The following PVT1 variants were observed in gnomAD, a reference collection of about 807,000 sequenced individuals.
The protein encoded by PVT1 is Pvt1 oncogene.
At chr8:128,097,363 A>G (rs542741329) in intron 6 of PVT1, among the ~76,000 whole-genome samples, 3 of 150,604 alleles carry the variant, frequency 2.0e-5, no homozygotes, top group African/African-American at 7.3e-5. Flanking sequence ...CTACTTCTCA[A>G]AACAAACAAA....
rs190578995 is a variant in PVT1 at position 127,803,742 on chromosome 8, A to G, written n.372+7671A>G. ...TCTACAGTTTTTTTTTTTTTTTGAG[A>G]CGGAATCTTGCTCTGTCATCAAGGC... On this transcript the variant is annotated intron_variant and non_coding_transcript_variant, in intron 2 of 10. Transcript: ENST00000651587. 3.0e-3 allele frequency among the ~76,000 whole-genome samples: 420 copies of G among 139,260 alleles called. 4 individuals carry two copies. The highest frequency in any genetic ancestry group is 4.3e-3 in the Non-Finnish European group (279 of 64,956). The allele number at this position is 139,260 out of a possible 152,430, so 91.4% of individuals were successfully genotyped here. A position where few individuals can be genotyped will look rare whatever the true frequency, so the allele number is the denominator to read the frequency against.
chr8:128,049,146 C>A, intron 4 of PVT1: 1 of 528,326 alleles, frequency 1.9e-6, no homozygotes, highest in Non-Finnish European at 3.9e-6. Context: ...CGCCAGGCCT[C>A]CATGTGCAGG....
At chr8:128,093,950 C>G (rs1814395260) in intron 5 of PVT1, among the ~76,000 whole-genome samples, 1 of 152,148 alleles carries the variant, frequency 6.6e-6, no homozygotes, top group Non-Finnish European at 1.5e-5. Context: ...CTGCAAGGAA[C>G]CAATGAATAA....
intron 4 of PVT1, among the ~76,000 whole-genome samples, chr8:128,032,164 G>A (rs1228374294): frequency 6.6e-6 from 1 of 152,184 alleles, no homozygotes; most frequent in Non-Finnish European, 1.5e-5. Flanking sequence ...CTGAAGACCC[G>A]AGCAGTCATT....
chr8:127,892,215 T>G (rs1815620402), intron 3 of PVT1, among the ~76,000 whole-genome samples: 1 of 152,242 alleles, frequency 6.6e-6, no homozygotes, highest in Non-Finnish European at 1.5e-5. Context: ...GGGTGTTACA[T>G]GCTGTTCTCA....
At chr8:127,945,353 C>T (rs916349614) in intron 3 of PVT1, among the ~76,000 whole-genome samples, 14 of 152,118 alleles carry the variant, frequency 9.2e-5, no homozygotes, top group African/African-American at 2.4e-4. Context: ...TCATAAGACG[C>T]GATCACATTG....
chr8:127,944,822 G>A (rs191653311), intron 3 of PVT1, among the ~76,000 whole-genome samples: 34 of 152,250 alleles, frequency 2.2e-4, no homozygotes, highest in African/African-American at 7.5e-4. Flanking sequence ...CTCCGAGGGC[G>A]CAGGCTGCTC....
intron 2 of PVT1, among the ~76,000 whole-genome samples, chr8:127,841,116 C>T (rs1041445198): frequency 6.6e-6 from 1 of 152,226 alleles, no homozygotes; most frequent in Non-Finnish European, 1.5e-5. Context: ...AAGTATACAT[C>T]AGAGGGCATT....
chr8:128,048,629 G>A (rs551678645), intron 4 of PVT1: 69 of 152,422 alleles, frequency 4.5e-4, no homozygotes, highest in African/African-American at 1.6e-3. Flanking sequence ...ACCTGCTGGG[G>A]TTTGGGTCCT....
intron 4 of PVT1, chr8:128,049,120 C>T: frequency 1.9e-6 from 1 of 522,838 alleles, no homozygotes; most frequent in Non-Finnish European, 3.9e-6. Flanking sequence ...GATAGGAGCC[C>T]TTTCTTTTTC....
rs1316523610 is a variant in PVT1 at position 127,898,276 on chromosome 8, A to T, written n.782+7278A>T. Among the ~76,000 whole-genome samples, 2 of 152,132 alleles carry T rather than the reference A, an allele frequency of 1.3e-5. No individual in the cohort carries two copies. ...AAGGAAGAAAGAAAGAGTGTAAAGAAATAAAAGGCTGTAAAGAAATAAAAT... is the reference window on the plus strand; with the variant it reads ...AAGGAAGAAAGAAAGAGTGTAAAGATATAAAAGGCTGTAAAGAAATAAAAT... On this transcript the variant is annotated intron_variant and non_coding_transcript_variant, in intron 3 of 10. Coordinates refer to ENST00000651587, the Ensembl canonical transcript of PVT1. This position sits in a 1 kb window ranked among gnomAD's most constrained non-coding sequence, Gnocchi z 4.4.
intron 2 of PVT1, among the ~76,000 whole-genome samples, chr8:127,831,405 G>T (rs969534607): frequency 4.6e-5 from 7 of 152,090 alleles, no homozygotes; most frequent in Non-Finnish European, 1.0e-4. Context: ...GGCGCAGAGA[G>T]TTCTGTGCAG....
At position 127,898,296 on chromosome 8, in the gene PVT1, T is replaced by G. The variant is rs112977445; in HGVS notation, n.782+7298T>G. 5.0e-4 allele frequency among the ~76,000 whole-genome samples: 76 copies of G among 151,374 alleles called. No homozygotes were observed. The highest frequency in any genetic ancestry group is 1.5e-3 in the African/African-American group (63 of 41,344). On this transcript the variant is annotated intron_variant and non_coding_transcript_variant, in intron 3 of 10. Coordinates refer to ENST00000651587, the Ensembl canonical transcript of PVT1. This position sits in a 1 kb window ranked among gnomAD's most constrained non-coding sequence, Gnocchi z 4.4. The stretch of plus-strand genomic sequence containing the variant: ...AAAGAAATAAAAGGCTGTAAAGAAA[T>G]AAAATAATGTAAAGAAAGAAAATAA...
At chr8:128,043,823 A>C (rs1259621244) in intron 4 of PVT1, among the ~76,000 whole-genome samples, 1 of 139,762 alleles carries the variant, frequency 7.2e-6, no homozygotes, top group East Asian at 2.1e-4. Flanking sequence ...GAGGCCAAAC[A>C]TCTTGTCTTT....
intron 5 of PVT1, among the ~76,000 whole-genome samples, chr8:128,092,032 C>T (rs1323966959): frequency 6.6e-6 from 1 of 152,176 alleles, no homozygotes; most frequent in Non-Finnish European, 1.5e-5. Context: ...CTCCCCTTCT[C>T]CCCTGGGCCG....
intron 4 of PVT1, among the ~76,000 whole-genome samples, chr8:128,012,238 A>G (rs942289121): frequency 1.3e-4 from 20 of 152,290 alleles, no homozygotes; most frequent in African/African-American, 4.6e-4. Flanking sequence ...AGTCATTTCT[A>G]GACTTGCTAG....
At chr8:127,821,337 G>A (rs1814726310) in intron 2 of PVT1, among the ~76,000 whole-genome samples, 1 of 152,040 alleles carries the variant, frequency 6.6e-6, no homozygotes, top group Admixed American at 6.6e-5. Flanking sequence ...TGTTGTATAT[G>A]TAAATTGCAC....
At chr8:127,952,214 CAG>C (rs766724623) in intron 3 of PVT1, among the ~76,000 whole-genome samples, 10 of 152,234 alleles carry the variant, frequency 6.6e-5, no homozygotes, top group Non-Finnish European at 1.3e-4. Context: ...GATCAAGAAA[CAG>C]ATCTTGGGCC....
At chr8:128,083,309 A>T (rs1324810781) in intron 5 of PVT1, among the ~76,000 whole-genome samples, 5 of 152,230 alleles carry the variant, frequency 3.3e-5, no homozygotes, top group African/African-American at 4.8e-5. Context: ...GTGCTTGTCA[A>T]AGTAAAATTA....
Sources: allele counts gnomAD v4.1 joint callset (sites outside exome capture counted in the v4.1 genomes callset), GRCh38; gene constraint gnomAD v4.1.1; non-coding constraint Gnocchi (gnomAD v3.1); transcripts MANE v1.5; gene names NCBI Gene and HGNC (gene_info 2026-07-23, HGNC 2026-07-21).